NCOA2: variants seen among roughly 807,000 people sequenced by gnomAD.
NCOA2 encodes the protein nuclear receptor coactivator 2.
NCOA2 carries 21 observed loss-of-function variants against 145.1 expected under a neutral mutation model. The ratio of observed to expected loss-of-function variants is 0.14; its 90% CI spans 0.10 to 0.21. NCOA2 has a LOEUF of 0.21. NCOA2 is among the 10% of genes least tolerant of loss of function. The probability of loss-of-function intolerance (pLI) is 1.00; values close to 1 mark genes in which losing one functional copy is unlikely to be tolerated. For missense variants in NCOA2, 1,472 were observed against 1,837.6 expected (o/e 0.80, Z 3.64); for synonymous variants, 619 against 637.5 (o/e 0.97, Z 0.44).
At chr8:70,383,832 TG>T (rs1747793618) in intron 1 of NCOA2, among the ~76,000 whole-genome samples, 1 of 152,186 alleles carries the variant, frequency 6.6e-6, no homozygotes, top group Admixed American at 6.6e-5. Context: ...GCTATTTGAA[TG>T]CTCTACTCAT....
At chr8:70,371,242 T>C (rs1465188806) in intron 1 of NCOA2, among the ~76,000 whole-genome samples, 1 of 151,842 alleles carries the variant, frequency 6.6e-6, no homozygotes, top group Non-Finnish European at 1.5e-5. Context: ...TGAGCTGAGA[T>C]TGCACCACTG....
At chr8:70,122,597 T>G (rs774019367) in intron 21 of NCOA2, among the ~76,000 whole-genome samples, 19 of 152,164 alleles carry the variant, frequency 1.2e-4, no homozygotes, top group Non-Finnish European at 2.5e-4. Context: ...TGTATCCAAA[T>G]AAGCATTTAA....
At chr8:70,249,846 C>T (rs1166652479) in intron 2 of NCOA2, among the ~76,000 whole-genome samples, 3 of 151,044 alleles carry the variant, frequency 2.0e-5, no homozygotes, top group Non-Finnish European at 4.4e-5. Context: ...TGCCTGTAGT[C>T]CCAGCTACTC....
intron 15 of NCOA2, among the ~76,000 whole-genome samples, chr8:70,133,656 A>G (rs973192413): frequency 1.2e-4 from 19 of 152,210 alleles, no homozygotes; most frequent in African/African-American, 4.6e-4. Context: ...ATAAACATTT[A>G]CAGATTAAAA....
chr8:70,180,847 T>C (rs1815394255), intron 4 of NCOA2, among the ~76,000 whole-genome samples: 1 of 152,238 alleles, frequency 6.6e-6, no homozygotes, highest in African/African-American at 2.4e-5. Flanking sequence ...GCTGAGATTA[T>C]TGGCAAATGC....
intron 2 of NCOA2, among the ~76,000 whole-genome samples, chr8:70,268,872 G>C (rs1480061981): frequency 6.6e-6 from 1 of 152,134 alleles, no homozygotes; most frequent in Non-Finnish European, 1.5e-5. Context: ...GTATCATTTT[G>C]GTTAGTAGGC....
chr8:70,402,551 G>C (rs558646273), intron 1 of NCOA2: 1 of 152,204 alleles, frequency 6.6e-6, no homozygotes, highest in South Asian at 2.1e-4. Flanking sequence ...GGAGGAGGCG[G>C]GGAGCGCAGC....
At chr8:70,182,235 C>T (rs528174429) in intron 4 of NCOA2, among the ~76,000 whole-genome samples, 4 of 152,188 alleles carry the variant, frequency 2.6e-5, no homozygotes, top group African/African-American at 4.8e-5. Context: ...GAACCTAAGC[C>T]GCAAGTTGCC....
At chr8:70,229,787 G>C (rs1246253755) in intron 2 of NCOA2, among the ~76,000 whole-genome samples, 1 of 152,204 alleles carries the variant, frequency 6.6e-6, no homozygotes, top group African/African-American at 2.4e-5. Context: ...AGACTTCGGA[G>C]GTGAAGCACA....
In NCOA2 at chr8:70,123,888, T is replaced by C. The variant is rs987942393; in HGVS notation, c.4289A>G (p.Glu1430Gly). The C allele has an allele frequency of 6.2e-7, 1 of 1,611,120 alleles. No individual in the cohort carries two copies. Among genetic ancestry groups the C allele is most frequent in the Non-Finnish European group, 8.5e-7 (1 of 1,178,008 alleles). Residue 1430 changes from glutamate to glycine, a missense_variant, in exon 21 of 23, where the codon GAG becomes GGG. Physicochemically the swap from Glu to Gly is moderately conservative, Grantham distance 98. Transcript: ENST00000452400. Reference protein sequence around the residue: ...PTSGLSSMGPEQVNDPALRGG... With the variant: ...PTSGLSSMGPGQVNDPALRGG... The stretch of plus-strand genomic sequence containing the variant: ...TGCTTCTCCTTGGGCACTCACCTGC[T>C]CGGGACCCATGGAGGACAGCCCTGA...
At chr8:70,431,384 C>G in the NCOA2 span, among the ~76,000 whole-genome samples, 2 of 152,030 alleles carry the variant, frequency 1.3e-5, no homozygotes, top group African/African-American at 4.8e-5. Context: ...TTGACATTGC[C>G]AAAGGATAAT....
chr8:70,437,987 C>A, the NCOA2 span, among the ~76,000 whole-genome samples: 1 of 152,226 alleles, frequency 6.6e-6, no homozygotes, highest in Admixed American at 6.5e-5. Context: ...ATTAAATCAC[C>A]CACATAGCTT....
At chr8:70,446,051 T>C in the NCOA2 span, among the ~76,000 whole-genome samples, 17 of 152,024 alleles carry the variant, frequency 1.1e-4, no homozygotes, top group African/African-American at 3.1e-4. Context: ...TTTTTTTTTT[T>C]CCAGCTTTCT....
intron 4 of NCOA2, among the ~76,000 whole-genome samples, chr8:70,203,150 C>T (rs536616844): frequency 7.3e-5 from 11 of 151,408 alleles, no homozygotes; most frequent in Non-Finnish European, 1.6e-4. Flanking sequence ...GTAGTCCCAG[C>T]TAATCAGGAG....
At chr8:70,134,909 C>T (rs778531030) in intron 15 of NCOA2, among the ~76,000 whole-genome samples, 1 of 152,130 alleles carries the variant, frequency 6.6e-6, no homozygotes, top group Non-Finnish European at 1.5e-5. Flanking sequence ...TTCCTGCTTG[C>T]ATGGTATCTC....
intron 2 of NCOA2, among the ~76,000 whole-genome samples, chr8:70,239,441 T>C (rs1442965056): frequency 6.6e-6 from 1 of 152,184 alleles, no homozygotes; most frequent in Non-Finnish European, 1.5e-5. Flanking sequence ...TTGATCTTCT[T>C]GGTAAATGTC....
chr8:70,393,370 C>G (rs1258943685), intron 1 of NCOA2, among the ~76,000 whole-genome samples: 1 of 152,186 alleles, frequency 6.6e-6, no homozygotes, highest in East Asian at 1.9e-4. Flanking sequence ...TACATGAGCT[C>G]CTGGTGGGAT....
chr8:70,183,114 T>C (rs1466068385), intron 4 of NCOA2, among the ~76,000 whole-genome samples: 1 of 152,140 alleles, frequency 6.6e-6, no homozygotes, highest in African/African-American at 2.4e-5. Context: ...TTTATTGGGC[T>C]CCACTCACTA....
chr8:70,167,962 T>G (rs1291702861), intron 6 of NCOA2, among the ~76,000 whole-genome samples: 1 of 152,266 alleles, frequency 6.6e-6, no homozygotes, highest in Non-Finnish European at 1.5e-5. Context: ...ATTCTCATTT[T>G]GGTGTTCTTT....
Sources: gnomAD v4.1 joint callset for allele counts (sites outside exome capture counted in the v4.1 genomes callset) on GRCh38, gnomAD v4.1.1 for gene constraint, MANE v1.5 for transcripts, NCBI Gene and HGNC (gene_info 2026-07-23, HGNC 2026-07-21) for gene names.